Variants in PTPRG observed in about 807,000 individuals in gnomAD.
The protein encoded by PTPRG is receptor-type tyrosine-protein phosphatase gamma.
PTPRG carries 102 observed loss-of-function variants against 165.3 expected under a neutral mutation model. The observed-to-expected ratio is 0.62, with a 90% CI of 0.53 to 0.73. The LOEUF (loss-of-function observed/expected upper bound fraction) is 0.73. Among genes scored for constraint, PTPRG ranks in the 30% least tolerant of loss-of-function variants. The probability of loss-of-function intolerance (pLI) is 0.00; values close to 1 mark genes in which losing one functional copy is unlikely to be tolerated. For synonymous variants in PTPRG, 675 were observed against 669.5 expected (o/e 1.01, Z -0.13); for missense variants, 1,866 against 1,861.4 (o/e 1.00, Z -0.05).
chr3:61,834,220 A>G (rs754112145), intron 2 of PTPRG, among the ~76,000 whole-genome samples: 1 of 152,192 alleles, frequency 6.6e-6, no homozygotes, highest in Admixed American at 6.5e-5. Flanking sequence ...TGTGGTTGCA[A>G]CTGTTAGATG....
intron 5 of PTPRG, among the ~76,000 whole-genome samples, chr3:62,086,661 GT>G (rs1559789033): frequency 6.6e-6 from 1 of 152,162 alleles, no homozygotes; most frequent in East Asian, 1.9e-4. Flanking sequence ...ATTTCAGAAT[GT>G]TTTGGGTTGA....
intron 1 of PTPRG, among the ~76,000 whole-genome samples, chr3:61,592,649 C>CTTTTTTTTT (rs373986933): frequency 7.5e-6 from 1 of 132,872 alleles, no homozygotes; most frequent in African/African-American, 3.2e-5. Flanking sequence ...TTCTTTCTTT[C>CTTTTTTTTT]TTTTTTTTTT....
Position 62,277,008 on chromosome 3 carries a change from G to T in PTPRG, c.3596G>T (p.Gly1199Val). 2 of 1,613,104 alleles carry T rather than the reference G, an allele frequency of 1.2e-6. No individual in the cohort carries two copies. The highest frequency in any genetic ancestry group is 1.7e-6 in the Non-Finnish European group (2 of 1,179,356). The change falls in exon 25 of 30, where the codon GGA (glycine) becomes GTA (valine). Residue 1199 changes from glycine to valine, a missense_variant. This residue lies in a region of PTPRG where 1,452 missense variants were observed against 1,463.0 expected (regional missense o/e 0.99). Coordinates refer to ENST00000474889, the MANE Select transcript of PTPRG (RefSeq NM_002841.4). Reference protein sequence around the residue: ...RARVGLAPLPGMKGTDYINAS... With the variant: ...RARVGLAPLPVMKGTDYINAS... ...CGAGTGGGTCTTGCACCATTGCCTG[G>T]AATGAAAGGAACAGATTACATTAAT...
At chr3:62,165,149 T>C (rs922910817) in intron 7 of PTPRG, among the ~76,000 whole-genome samples, 2 of 152,212 alleles carry the variant, frequency 1.3e-5, no homozygotes, top group Non-Finnish European at 2.9e-5. Flanking sequence ...AGGGGCTTTA[T>C]GAAATTACTC....
chr3:62,107,316 A>G (rs947895165), intron 5 of PTPRG, among the ~76,000 whole-genome samples: 1 of 152,210 alleles, frequency 6.6e-6, no homozygotes, highest in African/African-American at 2.4e-5. Context: ...CTAATTTGAG[A>G]TTTTTGTGTC....
At chr3:62,050,845 C>A (rs1024632414) in intron 4 of PTPRG, among the ~76,000 whole-genome samples, 1 of 152,176 alleles carries the variant, frequency 6.6e-6, no homozygotes, top group Admixed American at 6.5e-5. Context: ...AAAACAGCTC[C>A]ATCCTACATC....
chr3:61,796,618 G>A (rs186449251), intron 2 of PTPRG, among the ~76,000 whole-genome samples: 5 of 152,184 alleles, frequency 3.3e-5, no homozygotes, highest in Non-Finnish European at 7.4e-5. Flanking sequence ...CTTTGTGTTT[G>A]TTGCCCGCAC....
chr3:61,998,803 C>T (rs1159630446), intron 3 of PTPRG, among the ~76,000 whole-genome samples: 1 of 152,226 alleles, frequency 6.6e-6, no homozygotes, highest in Non-Finnish European at 1.5e-5. Flanking sequence ...CTAGAAACTT[C>T]ATTCACCACA....
chr3:62,005,083 A>T (rs902448215), intron 4 of PTPRG, among the ~76,000 whole-genome samples: 4 of 152,092 alleles, frequency 2.6e-5, no homozygotes, highest in Non-Finnish European at 4.4e-5. Context: ...TTTCTTATCC[A>T]CTGTTCCTGG....
chr3:62,133,789 A>G (rs1703604476), intron 6 of PTPRG, among the ~76,000 whole-genome samples: 1 of 152,122 alleles, frequency 6.6e-6, no homozygotes, highest in Non-Finnish European at 1.5e-5. Context: ...GTTTGAGACC[A>G]GCCTGGCCAA....
chr3:61,871,355 G>A (rs1022327141), intron 2 of PTPRG, among the ~76,000 whole-genome samples: 2 of 152,026 alleles, frequency 1.3e-5, no homozygotes, highest in Non-Finnish European at 2.9e-5. Context: ...AGCCTCCCAA[G>A]TAGATGGGAC....
At chr3:61,830,302 G>A (rs1006267241) in intron 2 of PTPRG, among the ~76,000 whole-genome samples, 2 of 152,174 alleles carry the variant, frequency 1.3e-5, no homozygotes, top group Admixed American at 1.3e-4. Context: ...GGTGTGAACT[G>A]TCTTACTCTG....
intron 2 of PTPRG, among the ~76,000 whole-genome samples, chr3:61,926,476 C>T (rs1352430930): frequency 1.3e-5 from 2 of 151,992 alleles, no homozygotes; most frequent in Non-Finnish European, 2.9e-5. Context: ...TCCCAGAAGC[C>T]AAGTAGGTTG....
In PTPRG at chr3:61,592,629, T is replaced by TTTTC. The variant is rs572514416; in HGVS notation, c.85+30277_85+30280dup. ...CACCAATTTTTTCTTTTCTCTCTCT[T>TTTTC]TTTCTTTCTTTCTTTCTTTCTTTTT... On this transcript the variant is annotated intron_variant, in intron 1 of 29. Transcript: ENST00000474889. Among the ~76,000 whole-genome samples the TTTTC allele has an allele frequency of 3.4e-3, 495 of 147,378 alleles. 7 individuals are homozygous for TTTTC. Among genetic ancestry groups the TTTTC allele is most frequent in the African/African-American group, 0.011 (441 of 38,870 alleles).
chr3:61,986,981 C>T (rs1363369936), intron 2 of PTPRG, among the ~76,000 whole-genome samples: 1 of 151,874 alleles, frequency 6.6e-6, no homozygotes, highest in Non-Finnish European at 1.5e-5. Context: ...GCATTCAATA[C>T]TATGAGTCTT....
intron 29 of PTPRG, among the ~76,000 whole-genome samples, chr3:62,292,894 T>C (rs1702950232): frequency 6.6e-6 from 1 of 152,128 alleles, no homozygotes; most frequent in Non-Finnish European, 1.5e-5. Context: ...ATATTGGTTA[T>C]CTTCATTAAC....
chr3:62,181,378 C>A (rs1175929648), intron 8 of PTPRG, among the ~76,000 whole-genome samples: 1 of 152,194 alleles, frequency 6.6e-6, no homozygotes, highest in Non-Finnish European at 1.5e-5. Context: ...TAGTTTCCTT[C>A]CCAGTTTTCT....
chr3:61,566,794 G>T (rs1699925939), intron 1 of PTPRG, among the ~76,000 whole-genome samples: 1 of 152,206 alleles, frequency 6.6e-6, no homozygotes, highest in African/African-American at 2.4e-5. Context: ...TTGCTACTGG[G>T]CTGTTGCTTT....
At chr3:61,720,093 A>G (rs1376271483) in intron 1 of PTPRG, among the ~76,000 whole-genome samples, 3 of 151,708 alleles carry the variant, frequency 2.0e-5, no homozygotes, top group Non-Finnish European at 4.4e-5. Flanking sequence ...CGTCCTGCTT[A>G]GGGGGTAAAC....
Sources: allele counts gnomAD v4.1 joint callset (sites outside exome capture counted in the v4.1 genomes callset), GRCh38; gene constraint gnomAD v4.1.1; regional missense constraint gnomAD v4.1.1; transcripts MANE v1.5; gene names NCBI Gene and HGNC (gene_info 2026-07-23, HGNC 2026-07-21).